CSDE1: variants seen among roughly 807,000 people sequenced by gnomAD.
CSDE1 encodes the protein cold shock domain-containing protein E1.
Under a neutral mutation model 89.3 loss-of-function variants are expected in CSDE1, and 17 were observed. The ratio of observed to expected loss-of-function variants is 0.19; its 90% CI spans 0.13 to 0.29. CSDE1 has a LOEUF of 0.29. Ranked by LOEUF, CSDE1 falls within the 10% of genes least tolerant of loss-of-function variation. The probability of loss-of-function intolerance (pLI) is 1.00; values close to 1 mark genes in which losing one functional copy is unlikely to be tolerated. For missense variants in CSDE1, 672 were observed against 984.2 expected (o/e 0.68, Z 4.24); for synonymous variants, 322 against 332.8 (o/e 0.97, Z 0.35).
intron 2 of CSDE1, among the ~76,000 whole-genome samples, chr1:114,743,949 T>C (rs966999687): frequency 6.6e-6 from 1 of 152,256 alleles, no homozygotes; most frequent in South Asian, 2.1e-4. Flanking sequence ...ACATGTGACA[T>C]GTTAATACTT....
In CSDE1 at chr1:114,752,600, G is replaced by C. The variant is rs1222903710; in HGVS notation, c.-387-2393C>G. Among the ~76,000 whole-genome samples the C allele has an allele frequency of 1.3e-5, 2 of 151,924 alleles. 1 individual carries two copies. Among genetic ancestry groups the C allele is most frequent in the South Asian group, 4.2e-4 (2 of 4,816 alleles). ...AGTTCTACCAGAAGTCCATTACCTCGCCTAATCCTTAAACACAACTCTTGG... is the reference window on the plus strand; with the variant it reads ...AGTTCTACCAGAAGTCCATTACCTCCCCTAATCCTTAAACACAACTCTTGG... On this transcript the variant is annotated intron_variant, in intron 1 of 19. Transcript: ENST00000358528.
intron 2 of CSDE1, chr1:114,746,884 GT>G (rs1241199252): frequency 1.3e-5 from 2 of 152,176 alleles, no homozygotes; most frequent in African/African-American, 4.8e-5. Context: ...GACATTTACA[GT>G]TCCTGTCATA....
In CSDE1 at chr1:114,720,717, C is replaced by A; in HGVS notation, c.1874G>T (p.Gly625Val). 1 of 1,613,906 alleles carries A rather than the reference C, an allele frequency of 6.2e-7. No homozygotes were observed. Among genetic ancestry groups the A allele is most frequent in the Non-Finnish European group, 8.5e-7 (1 of 1,179,870 alleles). Residue 625 changes from glycine to valine, a missense_variant and splice_region_variant, in exon 17 of 20, where the codon GGC becomes GTC. Gly to Val is a moderately radical substitution (Grantham distance 109). Around this residue, in one of 8 missense-constraint regions of CSDE1, gnomAD observed 206 missense variants for 332.4 expected, o/e 0.62. Transcript: ENST00000358528. ...TGGATAGACCTCACCTTTCATATCGCCTGTAAAACAGGTACAAAGTCTAAA... is the reference window on the plus strand; with the variant it reads ...TGGATAGACCTCACCTTTCATATCGACTGTAAAACAGGTACAAAGTCTAAA... ...YQGMIEIVEE[G>V]DMKGEVYPFG...
At chr1:114,735,230 A>G (rs573515305) in intron 6 of CSDE1, among the ~76,000 whole-genome samples, 19 of 152,356 alleles carry the variant, frequency 1.2e-4, no homozygotes, top group Admixed American at 5.9e-4. Context: ...CATAGACTGT[A>G]TAAGACATAA....
intron 2 of CSDE1, among the ~76,000 whole-genome samples, chr1:114,745,340 A>G (rs1390425010): frequency 1.3e-5 from 2 of 152,248 alleles, no homozygotes; most frequent in African/African-American, 4.8e-5. Flanking sequence ...CACACTTTAT[A>G]GCTCAAGACG....
intron 4 of CSDE1, 40 bp downstream of exon 4, chr1:114,737,923 G>A: frequency 7.6e-7 from 1 of 1,310,800 alleles, no homozygotes; most frequent in Non-Finnish European, 1.1e-6. Flanking sequence ...ATATGCAAAT[G>A]CAGGGCCCTA....
Position 114,726,301 on chromosome 1 carries a change from T to C in CSDE1, c.1550A>G (p.Lys517Arg), listed in dbSNP as rs910056765. Reference sequence around the variant, plus strand: ...AGTTGCCACATAACCCAAGAGCCTCTTGGAGTTAGAATTACGACCTAAAAG... The same window carrying C: ...AGTTGCCACATAACCCAAGAGCCTCCTGGAGTTAGAATTACGACCTAAAAG... Reference protein sequence around the residue: ...VRLLGRNSNSKRLLGYVATLK... With the variant: ...VRLLGRNSNSRRLLGYVATLK... Residue 517 changes from lysine (K) to arginine (R), a missense_variant, in exon 14 of 20, where the codon AAG becomes AGG. By Grantham distance (26) the Lys-to-Arg change is conservative (BLOSUM62 2). Around this residue, in one of 8 missense-constraint regions of CSDE1, gnomAD observed 108 missense variants for 105.0 expected, o/e 1.03. Coordinates refer to ENST00000358528, the MANE Select transcript of CSDE1 (RefSeq NM_001007553.3). 2 of 1,613,826 alleles carry C rather than the reference T, an allele frequency of 1.2e-6. No homozygotes were observed. Among genetic ancestry groups the C allele is most frequent in the East Asian group, 2.2e-5 (1 of 44,892 alleles).
chr1:114,718,315 T>C (rs1341857056), intron 19 of CSDE1, 99 bp from the exon 20 acceptor site: 14 of 1,384,322 alleles, frequency 1.0e-5, no homozygotes, highest in Non-Finnish European at 1.3e-5. Context: ...AAAAGCATTA[T>C]TTTTAATCAT....
At position 114,726,249 on chromosome 1, in the gene CSDE1, T is replaced by C. The variant is rs1318088604; in HGVS notation, c.1602A>G (p.Glu534=). 1 of 1,611,822 alleles carries C rather than the reference T, an allele frequency of 6.2e-7. No homozygotes were observed. The highest frequency in any genetic ancestry group is 2.2e-5 in the East Asian group (1 of 44,808). The stretch of plus-strand genomic sequence containing the variant: ...AGATTTCCTTATCATGATTGGCTGT[T>C]TCAATAAATCCAAAATTATCCTTCA... ...ATLKDNFGFI[E]TANHDKEIFF... The change falls in exon 14 of 20, where the codon GAA becomes GAG. Residue 534 remains glutamate, a synonymous_variant. Transcript: ENST00000358528.
At chr1:114,739,165 G>C (rs1660581282) in intron 3 of CSDE1, among the ~76,000 whole-genome samples, 1 of 152,034 alleles carries the variant, frequency 6.6e-6, no homozygotes, top group Admixed American at 6.6e-5. Flanking sequence ...CCGAGTAGCT[G>C]GGACTACAGG....
At chr1:114,720,437 C>G in intron 17 of CSDE1, 102 bp downstream of exon 17, 1 of 1,141,372 alleles carries the variant, frequency 8.8e-7, no homozygotes, top group Non-Finnish European at 1.2e-6. Context: ...AATAAAAAAA[C>G]GAATGAATGT....
At chr1:114,719,277 C>G (rs139752577) in intron 18 of CSDE1, among the ~76,000 whole-genome samples, 1 of 152,050 alleles carries the variant, frequency 6.6e-6, no homozygotes, top group Non-Finnish European at 1.5e-5. Flanking sequence ...CCTGGGTAAC[C>G]GAATCAGACT....
chr1:114,752,614 CACAACTCTTGGG>C (rs1455151572), intron 1 of CSDE1, among the ~76,000 whole-genome samples: 2 of 152,186 alleles, frequency 1.3e-5, no homozygotes, highest in African/African-American at 4.8e-5. Flanking sequence ...AATCCTTAAA[CACAACTCTTGGG>C]AGATTCCTGA....
chr1:114,737,379 T>G, intron 5 of CSDE1, 92 bp downstream of exon 5: 1 of 1,030,914 alleles, frequency 9.7e-7, no homozygotes, highest in Non-Finnish European at 1.5e-6. Flanking sequence ...TTTTAACAAT[T>G]GCAGCTTACG....
Position 114,738,021 on chromosome 1 carries a change from G to A in CSDE1, c.251C>T (p.Ala84Val). 1 of 1,613,980 alleles carries A rather than the reference G, an allele frequency of 6.2e-7. No individual in the cohort carries two copies. Among genetic ancestry groups the A allele is most frequent in the African/African-American group, 1.3e-5 (1 of 75,028 alleles). The change falls in exon 4 of 20, where the codon GCT (alanine) becomes GTT (valine). Residue 84 changes from alanine (A) to valine (V), a missense_variant. Transcript: ENST00000358528. Reference sequence around the variant, plus strand: ...TTGTTTTATCTTCACCAGTTTAACAGCAATGGGTTTCCCAGTCCGTCGGTC... The same window carrying A: ...TTGTTTTATCTTCACCAGTTTAACAACAATGGGTTTCCCAGTCCGTCGGTC... Reference protein sequence around the residue: ...SSDRRTGKPIAVKLVKIKQEI... With the variant: ...SSDRRTGKPIVVKLVKIKQEI...
chr1:114,728,653 C>A (rs1047742177), intron 12 of CSDE1, among the ~76,000 whole-genome samples: 1 of 152,132 alleles, frequency 6.6e-6, no homozygotes, highest in Non-Finnish European at 1.5e-5. Flanking sequence ...TAAAAATAAG[C>A]CCAACTGAAG....
chr1:114,719,337 A>G (rs1659381830), intron 18 of CSDE1, among the ~76,000 whole-genome samples: 1 of 152,232 alleles, frequency 6.6e-6, no homozygotes, highest in Non-Finnish European at 1.5e-5. Context: ...CAGCATGGCT[A>G]AACTATTAGA....
chr1:114,750,712 G>A (rs1661258708), intron 1 of CSDE1, among the ~76,000 whole-genome samples: 1 of 152,166 alleles, frequency 6.6e-6, no homozygotes, highest in Admixed American at 6.5e-5. Flanking sequence ...ACAACTGCAT[G>A]TCCATCAAAG....
At chr1:114,725,690 C>T (rs1357066496) in intron 14 of CSDE1, among the ~76,000 whole-genome samples, 2 of 151,892 alleles carry the variant, frequency 1.3e-5, no homozygotes, top group African/African-American at 4.8e-5. Context: ...GGCTGGAGTA[C>T]AGTGGTGCGA....
Sources: allele counts gnomAD v4.1 joint callset (sites outside exome capture counted in the v4.1 genomes callset), GRCh38; gene constraint gnomAD v4.1.1; regional missense constraint gnomAD v4.1.1; transcripts MANE v1.5; gene names NCBI Gene and HGNC (gene_info 2026-07-23, HGNC 2026-07-21).